Variants in TENM2 observed in about 807,000 individuals in gnomAD.
TENM2 encodes the protein teneurin transmembrane protein 2, also known as teneurin-2.
Under a neutral mutation model 245.2 loss-of-function variants are expected in TENM2, and 52 were observed. That is an observed-to-expected ratio of 0.21 (90% confidence interval 0.17 to 0.27). The LOEUF (loss-of-function observed/expected upper bound fraction) is 0.27. Ranked by LOEUF, TENM2 falls within the 10% of genes least tolerant of loss-of-function variation. The pLI is 1.00. For missense variants in TENM2, 3,046 were observed against 3,666.8 expected, an observed-to-expected ratio of 0.83 and a Z score of 4.37; for synonymous variants, 1,363 against 1,438.9, an observed-to-expected ratio of 0.95 and a Z score of 1.19.
intron 2 of TENM2, among the ~76,000 whole-genome samples, chr5:167,543,462 A>G (rs1276707877): frequency 6.6e-6 from 1 of 152,180 alleles, no homozygotes; most frequent in African/African-American, 2.4e-5. Flanking sequence ...CCACCTTGGT[A>G]AACAACCTTC....
intron 2 of TENM2, among the ~76,000 whole-genome samples, chr5:167,690,278 C>A (rs1757341686): frequency 6.6e-6 from 1 of 151,530 alleles, no homozygotes; most frequent in African/African-American, 2.4e-5. Flanking sequence ...TTTTTATTTA[C>A]TTTTATGTAT....
chr5:168,179,139 A>G (rs1759631740), intron 13 of TENM2, among the ~76,000 whole-genome samples: 2 of 131,006 alleles, frequency 1.5e-5, no homozygotes, highest in African/African-American at 5.0e-5. Context: ...TGCCTGAAAA[A>G]AAAAAAAAAA....
the TENM2 span, among the ~76,000 whole-genome samples, chr5:167,268,288 T>C: frequency 1.1e-4 from 16 of 152,152 alleles, no homozygotes; most frequent in East Asian, 2.9e-3. Flanking sequence ...ACACGTATTA[T>C]ACAGAAAGGT....
rs1330859388 is a variant in TENM2 at position 167,375,459 on chromosome 5, C to T, written c.488C>T (p.Ser163Leu). 4 of 1,551,686 alleles carry T rather than the reference C, an allele frequency of 2.6e-6. No homozygotes were observed. The Admixed American group carries it at 5.9e-5, about 23-fold the overall frequency. Residue 163 changes from serine to leucine, a missense_variant, in exon 2 of 29, where the codon TCA becomes TTA. This residue lies in a region of TENM2 where 342 missense variants were observed against 335.0 expected (regional missense o/e 1.02). Coordinates refer to ENST00000518659, the Ensembl canonical transcript of TENM2. Reference sequence around the variant, plus strand: ...ACTGACTCTGACAACGAAAACAAATCAGATGATGAGAACGGTAGGCCTGCT... The same window carrying T: ...ACTGACTCTGACAACGAAAACAAATTAGATGATGAGAACGGTAGGCCTGCT...
intron 9 of TENM2, among the ~76,000 whole-genome samples, chr5:168,111,408 T>A (rs1227426268): frequency 6.6e-6 from 1 of 152,064 alleles, no homozygotes; most frequent in Non-Finnish European, 1.5e-5. Context: ...CTAAAGCGTC[T>A]GAGTACTCTG....
At chr5:167,087,499 C>A in the TENM2 span, among the ~76,000 whole-genome samples, 1 of 152,126 alleles carries the variant, frequency 6.6e-6, no homozygotes, top group African/African-American at 2.4e-5. Context: ...ATTTTTTTAA[C>A]CTCCTACAAT....
At chr5:168,261,996 A>G in intron 28 of TENM2, 53 bp from the exon 31 acceptor site, 4 of 1,552,838 alleles carry the variant, frequency 2.6e-6, no homozygotes, top group Non-Finnish European at 3.5e-6. Flanking sequence ...ACTCTTTTTG[A>G]GAGAGCTGCC....
At chr5:167,261,266 G>A in the TENM2 span, among the ~76,000 whole-genome samples, 2 of 152,030 alleles carry the variant, frequency 1.3e-5, no homozygotes, top group African/African-American at 2.4e-5. Flanking sequence ...ATGACACAGA[G>A]GTTATGTCTT....
chr5:167,126,081 A>G, the TENM2 span, among the ~76,000 whole-genome samples: 6 of 152,320 alleles, frequency 3.9e-5, no homozygotes, highest in East Asian at 1.2e-3. Context: ...AAGGGAAGAT[A>G]GTAGGTGCCA....
chr5:167,515,620 C>CATATAT lies in TENM2; in HGVS notation c.502+140151_502+140156dup, dbSNP rs1184519406. On this transcript the variant is annotated intron_variant, in intron 2 of 28. Coordinates refer to ENST00000518659, the Ensembl canonical transcript of TENM2. ...TGAATCATAGGGCAATATATATATA[C>CATATAT]ATATATATACATATATATGTATATA... Among the ~76,000 whole-genome samples, 11 of 109,380 alleles carry CATATAT rather than the reference C, an allele frequency of 1.0e-4. No homozygotes were observed. In the East Asian group the frequency reaches 2.6e-3, roughly 26 times the overall value. The allele number at this position is 109,380 out of a possible 152,430, so 71.8% of individuals were successfully genotyped here.
chr5:167,075,008 T>C, the TENM2 span, among the ~76,000 whole-genome samples: 1 of 152,174 alleles, frequency 6.6e-6, no homozygotes, highest in Non-Finnish European at 1.5e-5. Context: ...TCGTAGAAGC[T>C]TGGGTCTGTT....
the TENM2 span, among the ~76,000 whole-genome samples, chr5:167,176,092 T>G: frequency 6.6e-6 from 1 of 152,194 alleles, no homozygotes; most frequent in Non-Finnish European, 1.5e-5. Flanking sequence ...CTCTAAACAT[T>G]CAGAATCCTC....
At chr5:167,488,877 A>G (rs1768252007) in intron 2 of TENM2, among the ~76,000 whole-genome samples, 1 of 152,098 alleles carries the variant, frequency 6.6e-6, no homozygotes, top group Non-Finnish European at 1.5e-5. Context: ...AGCCTTCCCA[A>G]TCTCAGTTAA....
chr5:167,054,866 A>T, the TENM2 span, among the ~76,000 whole-genome samples: 23 of 151,988 alleles, frequency 1.5e-4, no homozygotes, highest in Non-Finnish European at 2.9e-5. Flanking sequence ...CTCATTTTTT[A>T]AAAATTGGGT....
chr5:167,876,259 C>A, intron 3 of TENM2, 64 bp downstream of exon 5: 2 of 1,339,598 alleles, frequency 1.5e-6, no homozygotes, highest in Non-Finnish European at 2.1e-6. Flanking sequence ...GATTCTCCAC[C>A]AAAATGACAA....
At chr5:167,172,624 C>CT in the TENM2 span, among the ~76,000 whole-genome samples, 996 of 139,784 alleles carry the variant, frequency 7.1e-3, 6 homozygotes, top group African/African-American at 0.012. Context: ...TCATTTTCAT[C>CT]TTTTTTTTTT....
chr5:168,156,254 A>AAAAAAAAAC (rs1757159306), intron 12 of TENM2, among the ~76,000 whole-genome samples: 1 of 149,650 alleles, frequency 6.7e-6, no homozygotes. Flanking sequence ...AGTTAAAAAA[A>AAAAAAAAAC]AAAAAAAAAA....
At chr5:167,936,629 A>C (rs1397994180) in intron 3 of TENM2, among the ~76,000 whole-genome samples, 3 of 152,136 alleles carry the variant, frequency 2.0e-5, no homozygotes, top group Non-Finnish European at 4.4e-5. Flanking sequence ...GTGATGTTTA[A>C]TTTTATTGTG....
the TENM2 span, among the ~76,000 whole-genome samples, chr5:167,224,046 T>C: frequency 6.6e-6 from 1 of 152,178 alleles, no homozygotes; most frequent in African/African-American, 2.4e-5. Context: ...TTATTTGTTT[T>C]TGTATGTTTG....
Sources: gnomAD v4.1 joint callset for allele counts (sites outside exome capture counted in the v4.1 genomes callset) on GRCh38, gnomAD v4.1.1 for gene constraint, gnomAD v4.1.1 regional missense constraint, MANE v1.5 for transcripts, NCBI Gene and HGNC (gene_info 2026-07-23, HGNC 2026-07-21) for gene names.